The following ADCY9 variants were observed in gnomAD, a reference collection of about 807,000 sequenced individuals.
ADCY9 encodes the protein adenylate cyclase 9.
ADCY9 carries 50 observed loss-of-function variants against 101.5 expected under a neutral mutation model. That is an observed-to-expected ratio of 0.49 (90% confidence interval 0.39 to 0.62). The LOEUF (loss-of-function observed/expected upper bound fraction) is 0.62, where lower values mean the gene tolerates loss of function less well. Among genes scored for constraint, ADCY9 ranks in the 20% least tolerant of loss-of-function variants. The pLI is 0.00. For missense variants in ADCY9, 1,662 were observed against 1,800.4 expected (o/e 0.92, Z 1.39); for synonymous variants, 905 against 769.3 (o/e 1.18, Z -2.92).
In ADCY9 at chr16:4,057,048, C is replaced by CGA. The variant is rs200506569; in HGVS notation, c.1694-49491_1694-49490insTC. The stretch of plus-strand genomic sequence containing the variant: ...TGTACTGATGAAACCGCCCCCCCCC[C>CGA]CCCCGCCAATCTTACTCTTCTGTTA... On this transcript the variant is annotated intron_variant, in intron 2 of 10. Coordinates refer to ENST00000294016, the MANE Select transcript of ADCY9 (RefSeq NM_001116.4). Among the ~76,000 whole-genome samples, 3 of 126,314 alleles carry CGA rather than the reference C, an allele frequency of 2.4e-5. 1 individual carries two copies. The highest frequency in any genetic ancestry group is 5.2e-5 in the Non-Finnish European group (3 of 57,804). The allele number at this position is 126,314 out of a possible 152,430, so 82.9% of individuals were successfully genotyped here.
intron 2 of ADCY9, among the ~76,000 whole-genome samples, chr16:4,041,862 C>T (rs1254563171): frequency 6.6e-6 from 1 of 151,040 alleles, no homozygotes; most frequent in Non-Finnish European, 1.5e-5. Flanking sequence ...AGCCATCTTC[C>T]CACCTCGGCC....
chr16:4,091,946 CATT>C (rs1424441309), intron 2 of ADCY9, among the ~76,000 whole-genome samples: 1 of 152,172 alleles, frequency 6.6e-6, no homozygotes, highest in African/African-American at 2.4e-5. Flanking sequence ...CCTTAAAAAT[CATT>C]AAGTTATGTG....
At chr16:4,043,978 C>T (rs117585318) in intron 2 of ADCY9, among the ~76,000 whole-genome samples, 2,180 of 152,214 alleles carry the variant, frequency 0.014, 28 homozygotes, top group Middle Eastern at 0.024. Context: ...TCTAGGCAGA[C>T]ATTGAATGCT....
At position 4,045,594 on chromosome 16, in the gene ADCY9, TAA is replaced by T. The variant is rs545715002; in HGVS notation, c.1694-38038_1694-38037del. ...TGGGCAACAGAGCAAGACTCTGCCTTAAAAAAAAAAAAAAAAAAAAAAAAAGA... is the reference window on the plus strand; with the variant it reads ...TGGGCAACAGAGCAAGACTCTGCCTTAAAAAAAAAAAAAAAAAAAAAAAGA... On this transcript the variant is annotated intron_variant, in intron 2 of 10. Coordinates refer to ENST00000294016, the MANE Select transcript of ADCY9 (RefSeq NM_001116.4). Among the ~76,000 whole-genome samples the T allele has an allele frequency of 7.7e-5, 5 of 64,962 alleles. No individual in the cohort carries two copies. The East Asian group carries it at 2.8e-3, about 37-fold the overall frequency. 42.6% of individuals were successfully genotyped at this position (64,962 alleles called of 152,430 possible).
chr16:4,044,356 A>C (rs929654448), intron 2 of ADCY9, among the ~76,000 whole-genome samples: 5 of 151,778 alleles, frequency 3.3e-5, no homozygotes, highest in African/African-American at 1.2e-4. Context: ...CAAAAAAAAC[A>C]AAAAAACAAA....
chr16:4,052,863 A>G (rs76877144), intron 2 of ADCY9, among the ~76,000 whole-genome samples: 3,284 of 152,290 alleles, frequency 0.022, 130 homozygotes, highest in African/African-American at 0.076. Context: ...TTTCAGCCGA[A>G]CGCATCTGAC....
intron 3 of ADCY9, among the ~76,000 whole-genome samples, chr16:4,005,595 G>A (rs988812741): frequency 5.9e-5 from 9 of 152,168 alleles, no homozygotes; most frequent in African/African-American, 2.2e-4. Flanking sequence ...ATCTCCACAT[G>A]CCAAGAAGAT....
chr16:4,019,781 A>G (rs569512990), intron 2 of ADCY9, among the ~76,000 whole-genome samples: 1 of 152,300 alleles, frequency 6.6e-6, no homozygotes, highest in East Asian at 1.9e-4. Flanking sequence ...GAGTACTTAG[A>G]GAAGAAGAGA....
chr16:4,046,164 C>T (rs554606705), intron 2 of ADCY9, among the ~76,000 whole-genome samples: 23 of 152,146 alleles, frequency 1.5e-4, no homozygotes, highest in Non-Finnish European at 2.9e-4. Flanking sequence ...ATTTGTGATT[C>T]GTGTTAATGA....
chr16:3,993,342 A>G, intron 4 of ADCY9, 64 bp downstream of exon 4: 1 of 1,595,628 alleles, frequency 6.3e-7, no homozygotes, highest in Non-Finnish European at 8.6e-7. Flanking sequence ...CAAGACAGGA[A>G]TGTCACCTTG....
At chr16:4,089,078 G>A (rs1018115836) in intron 2 of ADCY9, among the ~76,000 whole-genome samples, 2 of 151,964 alleles carry the variant, frequency 1.3e-5, no homozygotes, top group Non-Finnish European at 2.9e-5. Context: ...CATATAAAAC[G>A]TGGCATTTGG....
intron 3 of ADCY9, among the ~76,000 whole-genome samples, chr16:4,004,102 G>C (rs1054148542): frequency 1.1e-4 from 16 of 151,914 alleles, no homozygotes; most frequent in African/African-American, 3.9e-4. Context: ...TTAAAAATTA[G>C]CTAGGCATAG....
At chr16:4,052,523 A>G (rs1006312284) in intron 2 of ADCY9, among the ~76,000 whole-genome samples, 6 of 152,190 alleles carry the variant, frequency 3.9e-5, no homozygotes, top group Admixed American at 1.3e-4. Flanking sequence ...CTGGGTGAAG[A>G]GTATTTGGGA....
At chr16:3,978,476 C>T (rs779142314) in intron 8 of ADCY9, among the ~76,000 whole-genome samples, 3 of 152,210 alleles carry the variant, frequency 2.0e-5, no homozygotes, top group Non-Finnish European at 2.9e-5. Context: ...GCCAGGTATG[C>T]TTCTCGCATG....
intron 2 of ADCY9, among the ~76,000 whole-genome samples, chr16:4,012,704 C>T (rs1305133492): frequency 6.6e-6 from 1 of 152,164 alleles, no homozygotes; most frequent in Admixed American, 6.5e-5. Context: ...GAGGTTAACG[C>T]AGTTAACGTT....
downstream of ADCY9, among the ~76,000 whole-genome samples, chr16:3,958,432 G>C (rs886947993): frequency 2.7e-5 from 4 of 150,918 alleles, no homozygotes; most frequent in Non-Finnish European, 4.4e-5. Context: ...CCCAACTACT[G>C]GGGAGGCTGA....
chr16:3,955,940 T>C (rs1261645243), intron 5 of ADCY9, among the ~76,000 whole-genome samples: 1 of 152,146 alleles, frequency 6.6e-6, no homozygotes, highest in Non-Finnish European at 1.5e-5. Context: ...CATAGCTCAC[T>C]GCAGCTTCAC....
chr16:4,002,110 C>T (rs1330452530), intron 3 of ADCY9, among the ~76,000 whole-genome samples: 1 of 152,096 alleles, frequency 6.6e-6, no homozygotes, highest in African/African-American at 2.4e-5. Flanking sequence ...ATATAATGCA[C>T]CCATTTAAAG....
intron 5 of ADCY9, among the ~76,000 whole-genome samples, chr16:3,990,547 G>A (rs1269617532): frequency 6.6e-6 from 1 of 151,868 alleles, no homozygotes; most frequent in Admixed American, 6.6e-5. Flanking sequence ...CTCATCACGT[G>A]TGTTCCTTCC....
Sources: gnomAD v4.1 joint callset for allele counts (sites outside exome capture counted in the v4.1 genomes callset) on GRCh38, gnomAD v4.1.1 for gene constraint, MANE v1.5 for transcripts, NCBI Gene and HGNC (gene_info 2026-07-23, HGNC 2026-07-21) for gene names.